Variants in DDX3Y observed in about 807,000 individuals in gnomAD.
DDX3Y encodes the protein ATP-dependent RNA helicase DDX3Y.
Under a neutral mutation model 15.1 loss-of-function variants are expected in DDX3Y, and 2 were observed. The observed-to-expected ratio is 0.13, with a 90% CI of 0.05 to 0.42. The LOEUF is 0.42. Among genes scored for constraint, DDX3Y ranks in the 10% least tolerant of loss-of-function variants. The pLI is 0.99. For missense variants in DDX3Y, 81 were observed against 149.9 expected, an observed-to-expected ratio of 0.54 and a Z score of 2.40; for synonymous variants, 47 against 45.0, an observed-to-expected ratio of 1.04 and a Z score of -0.18.
At chrY:12,908,563 C>G (rs2148296892) in intron 2 of DDX3Y, among the ~76,000 whole-genome samples, 1 of 34,543 alleles carries the variant, frequency 2.9e-5, no homozygotes, top group Admixed American at 2.6e-4. Flanking sequence ...AGTTCTTTTA[C>G]TTCTTAATCA....
chrY:12,910,263 A>T (rs2053623774), intron 3 of DDX3Y, among the ~76,000 whole-genome samples: 1 of 33,705 alleles, frequency 3.0e-5, no homozygotes, highest in Non-Finnish European at 7.4e-5. Flanking sequence ...ATTTGAGGGG[A>T]TGGAAGAGAC....
In DDX3Y at chrY:12,907,585, A is replaced by T; in HGVS notation, c.94A>T (p.Thr32Ser). Reference sequence around the variant, plus strand: ...TGAAAAACAGAGTGGAGGAGCAAGTACAGCGAGCAGTAAGTAAAACTTTTT... The same window carrying T: ...TGAAAAACAGAGTGGAGGAGCAAGTTCAGCGAGCAGTAAGTAAAACTTTTT... ...NSEKQSGGAS[T>S]ASKGRYIPPH... Residue 32 changes from threonine (T) to serine (S), a missense_variant, in exon 2 of 17, where the codon ACA becomes TCA. This residue lies in a region of DDX3Y where 29 missense variants were observed against 27.1 expected (regional missense o/e 1.07). Transcript: ENST00000336079. The T allele has an allele frequency of 2.7e-6, 1 of 369,767 alleles. No homozygotes were observed. Among genetic ancestry groups the T allele is most frequent in the East Asian group, 9.9e-5 (1 of 10,115 alleles). 92.2% of individuals were successfully genotyped at this position (369,767 alleles called of 400,897 possible).
chrY:12,913,105 A>G (rs767637652), intron 6 of DDX3Y, 43 bp downstream of exon 6: 1 of 276,172 alleles, frequency 3.6e-6, no homozygotes, highest in South Asian at 3.6e-5. Context: ...ATGCAAACCC[A>G]TTGGATTATG....
At chrY:12,905,087 C>T in intron 1 of DDX3Y, 106 bp downstream of exon 1, 2 of 232,513 alleles carry the variant, frequency 8.6e-6, no homozygotes, top group East Asian at 2.0e-4. Context: ...CTGGTGGGTT[C>T]GTGTGTTATG....
chrY:12,914,760 A>G, intron 8 of DDX3Y, 111 bp downstream of exon 8: 1 of 205,126 alleles, frequency 4.9e-6, no homozygotes, highest in Non-Finnish European at 7.5e-6. Flanking sequence ...TTTTTTTTTT[A>G]CCCCTTTCAC....
At position 12,909,412 on chromosome Y, in the gene DDX3Y, G is replaced by C. The variant is rs1305109477; in HGVS notation, c.151+5G>C. 1 of 391,483 alleles carries C rather than the reference G, an allele frequency of 2.6e-6. No homozygotes were observed. The highest frequency in any genetic ancestry group is 7.7e-5 in the Admixed American group (1 of 13,043). ...GGAACAGAGAAGCATCTAAAGGTAC[G>C]TCTTTAAGGCAACTTTGTAGACCTA... On this transcript the variant is annotated splice_donor_5th_base_variant and intron_variant, in intron 3 of 16. Coordinates refer to ENST00000336079, the MANE Select transcript of DDX3Y (RefSeq NM_004660.5).
In DDX3Y at chrY:12,919,688, C is replaced by T; in HGVS notation, c.*1566C>T. ...TATATATGTCTTGTGTGGGTGTCCT[C>T]GACCTTCCAATCTTATTTCGTCTCT... is the stretch of plus-strand genomic sequence containing the variant. On this transcript the variant is annotated 3_prime_UTR_variant, in exon 17 of 17. Coordinates refer to ENST00000336079, the MANE Select transcript of DDX3Y (RefSeq NM_004660.5). 3 of 33,212 alleles carry T rather than the reference C, an allele frequency of 9.0e-5. No individual in the cohort carries two copies. The highest frequency in any genetic ancestry group is 3.6e-4 in the African/African-American group (3 of 8,441). The allele number at this position is 33,212 out of a possible 400,897, so 8.3% of individuals were successfully genotyped here. A position where few individuals can be genotyped will look rare whatever the true frequency, so the allele number is the denominator to read the frequency against.
chrY:12,915,247 T>C lies in DDX3Y; in HGVS notation c.1019+20T>C, dbSNP rs1373542579. 1 of 392,493 alleles carries C rather than the reference T, an allele frequency of 2.5e-6. No individual in the cohort carries two copies. The highest frequency in any genetic ancestry group is 7.4e-5 in the Admixed American group (1 of 13,523). On this transcript the variant is annotated intron_variant, in intron 10 of 16. Transcript: ENST00000336079. ...CTGCAAGTATGTCAGTTTTTATATA[T>C]GGGGTGCATCTATTTCTGTATTAAA...
intron 6 of DDX3Y, 69 bp downstream of exon 6, chrY:12,913,131 T>C: frequency 9.3e-6 from 2 of 213,960 alleles, no homozygotes; most frequent in Non-Finnish European, 1.6e-5. Context: ...AAAATTAATG[T>C]CATTGTTAAG....
At chrY:12,914,462 T>C in intron 7 of DDX3Y, 102 bp from the exon 8 acceptor site, 1 of 183,170 alleles carries the variant, frequency 5.5e-6, no homozygotes, top group Non-Finnish European at 9.9e-6. Context: ...TCCTAGAAAA[T>C]TGGAAATAAA....
At chrY:12,909,316 C>A in intron 2 of DDX3Y, 44 bp from the exon 3 acceptor site, 3 of 348,600 alleles carry the variant, frequency 8.6e-6, no homozygotes. Flanking sequence ...AAAGCAGTAT[C>A]TTGGCGATGT....
Position 12,915,779 on chromosome Y carries a change from T to C in DDX3Y, c.1164+5T>C, listed in dbSNP as rs1400029370. ...ACTTTTCCTAAGGAAATACAGGTAC[T>C]GTTTGACGTTTGAACTTTCATTCAG... On this transcript the variant is annotated splice_donor_5th_base_variant and intron_variant, in intron 11 of 16. Coordinates refer to ENST00000336079, the MANE Select transcript of DDX3Y (RefSeq NM_004660.5). 2.5e-6 allele frequency: 1 copy of C among 398,869 alleles called. No homozygotes were observed.
At position 12,907,593 on chromosome Y, in the gene DDX3Y, C is replaced by T; in HGVS notation, c.102C>T (p.Ser34=). Residue 34 remains serine, a splice_region_variant and synonymous_variant, in exon 2 of 17, where the codon AGC becomes AGT. Coordinates refer to ENST00000336079, the MANE Select transcript of DDX3Y (RefSeq NM_004660.5). The part of the protein sequence containing the change: ...EKQSGGASTA[S]KGRYIPPHLR... Reference sequence around the variant, plus strand: ...AGAGTGGAGGAGCAAGTACAGCGAGCAGTAAGTAAAACTTTTTTTAAAAAT... The same window carrying T: ...AGAGTGGAGGAGCAAGTACAGCGAGTAGTAAGTAAAACTTTTTTTAAAAAT... The T allele has an allele frequency of 2.8e-6, 1 of 360,836 alleles. No homozygotes were observed. The highest frequency in any genetic ancestry group is 3.6e-5 in the South Asian group (1 of 28,104). 90.0% of individuals were successfully genotyped at this position (360,836 alleles called of 400,897 possible).
intron 1 of DDX3Y, 152 bp downstream of exon 1, chrY:12,905,133 C>T: frequency 5.8e-6 from 1 of 171,274 alleles, no homozygotes; most frequent in Admixed American, 1.0e-4. Flanking sequence ...AGAGAAACTG[C>T]ATGAGACCAT....
chrY:12,914,503 AT>A, intron 7 of DDX3Y, 60 bp from the exon 8 acceptor site: 1 of 260,381 alleles, frequency 3.8e-6, no homozygotes, highest in East Asian at 9.9e-5. Context: ...ATTCAAGGGC[AT>A]TTAGAACCCT....
intron 1 of DDX3Y, among the ~76,000 whole-genome samples, chrY:12,907,181 T>C (rs9341286): frequency 0.039 from 1,300 of 33,589 alleles, no homozygotes; most frequent in Middle Eastern, 0.28. Flanking sequence ...ACCACTGTCA[T>C]TGGGAACATT....
In DDX3Y at chrY:12,918,128, C is replaced by CT; in HGVS notation, c.*9dup. 1 of 382,053 alleles carries CT rather than the reference C, an allele frequency of 2.6e-6. No individual in the cohort carries two copies. Among genetic ancestry groups the CT allele is most frequent in the South Asian group, 3.2e-5 (1 of 31,315 alleles). ...TTGACTGGTGGGGCAACTGAATCTGCTTTGCAGCAAAGTCACCCTTACAAA... is the reference window on the plus strand; with the variant it reads ...TTGACTGGTGGGGCAACTGAATCTGCTTTTGCAGCAAAGTCACCCTTACAAA... On this transcript the variant is annotated 3_prime_UTR_variant, in exon 17 of 17. Transcript: ENST00000336079.
At chrY:12,915,259 A>G in intron 10 of DDX3Y, 32 bp downstream of exon 10, 7 of 384,217 alleles carry the variant, frequency 1.8e-5, no homozygotes, top group Non-Finnish European at 2.6e-5. Context: ...GGGTGCATCT[A>G]TTTCTGTATT....
At chrY:12,905,767 C>T in intron 1 of DDX3Y, 1 of 315,838 alleles carries the variant, frequency 3.2e-6, no homozygotes, top group Non-Finnish European at 4.3e-6. Flanking sequence ...CTTCTCTTGA[C>T]CCTGTAGAAA....
Sources: gnomAD v4.1 joint callset for allele counts (sites outside exome capture counted in the v4.1 genomes callset) on GRCh38, gnomAD v4.1.1 for gene constraint, gnomAD v4.1.1 regional missense constraint, MANE v1.5 for transcripts, NCBI Gene and HGNC (gene_info 2026-07-23, HGNC 2026-07-21) for gene names.